The following MYOF variants were observed in gnomAD, a reference collection of about 807,000 sequenced individuals.
MYOF encodes the protein fer-1-like 3, myoferlin.
MYOF carries 244 observed loss-of-function variants against 284.2 expected under a neutral mutation model. The ratio of observed to expected loss-of-function variants is 0.86; its 90% CI spans 0.77 to 0.95. The LOEUF (loss-of-function observed/expected upper bound fraction) is 0.95. Among genes scored for constraint, MYOF ranks in the 40% least tolerant of loss-of-function variants. The pLI is 0.00. For missense variants in MYOF, 2,496 were observed against 2,560.6 expected, an observed-to-expected ratio of 0.97 and a Z score of 0.54; for synonymous variants, 904 against 919.7, an observed-to-expected ratio of 0.98 and a Z score of 0.31.
Position 93,402,907 on chromosome 10 carries a change from C to T in MYOF, c.844-17G>A, listed in dbSNP as rs374594732. 5.2e-5 allele frequency: 84 copies of T among 1,603,580 alleles called. No individual in the cohort carries two copies. The highest frequency in any genetic ancestry group is 5.0e-4 in the Middle Eastern group (3 of 6,030). On this transcript the variant is annotated splice_polypyrimidine_tract_variant and intron_variant, in intron 9 of 53. Transcript: ENST00000359263. The stretch of plus-strand genomic sequence containing the variant: ...AACATCAATCTGGGAAAACAATAAT[C>T]GAAAGTAGTCTAAGTAGATTTTAAA...
intron 7 of MYOF, among the ~76,000 whole-genome samples, chr10:93,408,438 GA>G (rs1435158060): frequency 1.3e-5 from 2 of 151,754 alleles, no homozygotes; most frequent in Non-Finnish European, 2.9e-5. Context: ...TTGGGAGGCT[GA>G]GGCAGAAGAA....
At chr10:93,437,631 T>C (rs1849189700) in intron 3 of MYOF, among the ~76,000 whole-genome samples, 1 of 152,208 alleles carries the variant, frequency 6.6e-6, no homozygotes, top group Admixed American at 6.5e-5. Context: ...AATCCCAACC[T>C]GACTGGGGAC....
chr10:93,369,553 T>G, intron 25 of MYOF, 92 bp downstream of exon 25: 2 of 1,555,624 alleles, frequency 1.3e-6, no homozygotes, highest in South Asian at 2.4e-5. Flanking sequence ...CTGTGGTTGT[T>G]TTTGGTATGT....
At chr10:93,360,538 C>A (rs1845021424) in intron 28 of MYOF, among the ~76,000 whole-genome samples, 1 of 152,220 alleles carries the variant, frequency 6.6e-6, no homozygotes, top group African/African-American at 2.4e-5. Flanking sequence ...CTGGTGTGTG[C>A]ATCGAGATCA....
chr10:93,460,782 A>AAAAAG (rs1554871526), intron 1 of MYOF, among the ~76,000 whole-genome samples: 4 of 140,090 alleles, frequency 2.9e-5, no homozygotes, highest in Non-Finnish European at 6.1e-5. Context: ...AAAAAAAAAA[A>AAAAAG]AAAGAAAGAA....
At chr10:93,368,904 C>A (rs917559485) in intron 25 of MYOF, among the ~76,000 whole-genome samples, 1 of 151,898 alleles carries the variant, frequency 6.6e-6, no homozygotes, top group Middle Eastern at 3.2e-3. Flanking sequence ...AGAGACCCAC[C>A]GAATACATCT....
At chr10:93,422,483 C>T (rs1234496298) in intron 5 of MYOF, among the ~76,000 whole-genome samples, 1 of 152,180 alleles carries the variant, frequency 6.6e-6, no homozygotes, top group Non-Finnish European at 1.5e-5. Flanking sequence ...CAGGGATTTT[C>T]TCGCCAGCAG....
chr10:93,457,003 A>G (rs571328646), intron 1 of MYOF, 66 bp from the exon 2 acceptor site: 6 of 1,218,682 alleles, frequency 4.9e-6, no homozygotes, highest in Non-Finnish European at 7.0e-6. Flanking sequence ...TGGGCCATTC[A>G]TTTATTCTAA....
chr10:93,397,900 C>G (rs768171603), intron 13 of MYOF, among the ~76,000 whole-genome samples: 4 of 152,064 alleles, frequency 2.6e-5, no homozygotes, highest in Non-Finnish European at 4.4e-5. Context: ...GAACCAGAAT[C>G]AGCCACACCC....
At chr10:93,330,366 C>T (rs1185516217) in intron 43 of MYOF, among the ~76,000 whole-genome samples, 1 of 152,132 alleles carries the variant, frequency 6.6e-6, no homozygotes, top group Non-Finnish European at 1.5e-5. Context: ...GACTTATAGC[C>T]CCCTACCTGT....
intron 1 of MYOF, among the ~76,000 whole-genome samples, chr10:93,470,661 C>A (rs1433409301): frequency 6.6e-6 from 1 of 152,150 alleles, no homozygotes; most frequent in African/African-American, 2.4e-5. Flanking sequence ...CTCGGCCTCC[C>A]AAAGTGCTGG....
At chr10:93,360,993 A>G (rs1479414020) in intron 28 of MYOF, among the ~76,000 whole-genome samples, 1 of 152,092 alleles carries the variant, frequency 6.6e-6, no homozygotes, top group Non-Finnish European at 1.5e-5. Context: ...TGGATTCTAC[A>G]TTTGGTTAGT....
chr10:93,465,938 G>T (rs184945505), intron 1 of MYOF, among the ~76,000 whole-genome samples: 1 of 152,204 alleles, frequency 6.6e-6, no homozygotes, highest in East Asian at 1.9e-4. Flanking sequence ...GGCTGGGACC[G>T]CCCTGGTGGA....
chr10:93,338,223 T>A, intron 39 of MYOF: 4 of 478,010 alleles, frequency 8.4e-6, no homozygotes, highest in Non-Finnish European at 1.6e-5. Context: ...ATTTTTATTC[T>A]ATTGACTTCA....
rs763427664 is a variant in MYOF at position 93,328,773 on chromosome 10, C to G, written c.5121G>C (p.Leu1707Phe). Residue 1707 changes from leucine (L) to phenylalanine (F), a missense_variant, in exon 45 of 54, where the codon TTG becomes TTC. Physicochemically the swap from Leu to Phe is conservative, Grantham distance 22. Around this residue, in one of 3 missense-constraint regions of MYOF, gnomAD observed 2,436 missense variants for 2,480.7 expected, o/e 0.98. Coordinates refer to ENST00000359263, the MANE Select transcript of MYOF (RefSeq NM_013451.4). ...CAGCTAGGTGCTCACCAAATTCATC[C>G]AAGCTGTAGTCTCGTCCTCCATATC... The part of the protein sequence containing the change: ...RIRYGGRDYS[L>F]DEFEANKILH... 5.6e-6 allele frequency: 9 copies of G among 1,609,656 alleles called. No individual in the cohort carries two copies. The highest frequency in any genetic ancestry group is 7.7e-6 in the Non-Finnish European group (9 of 1,176,220).
chr10:93,369,254 G>C (rs1054011208), intron 25 of MYOF, among the ~76,000 whole-genome samples: 1 of 99,608 alleles, frequency 1.0e-5, no homozygotes, highest in East Asian at 1.1e-3. Context: ...CCCTCTCCTG[G>C]GTTGGTGTGT....
chr10:93,381,717 T>C (rs1393324496), intron 19 of MYOF, among the ~76,000 whole-genome samples: 5 of 152,164 alleles, frequency 3.3e-5, no homozygotes, highest in Non-Finnish European at 7.3e-5. Context: ...CTTAATTAGG[T>C]CCATATGTGC....
In MYOF at chr10:93,337,960, T is replaced by C. The variant is rs765674422; in HGVS notation, c.4339-47A>G. 13 of 1,360,752 alleles carry C rather than the reference T, an allele frequency of 9.6e-6. No individual in the cohort carries two copies. In the Admixed American group the frequency reaches 2.0e-4, roughly 21 times the overall value. The allele number at this position is 1,360,752 out of a possible 1,614,324, so 84.3% of individuals were successfully genotyped here. A position where few individuals can be genotyped will look rare whatever the true frequency, so the allele number is the denominator to read the frequency against. On this transcript the variant is annotated intron_variant, in intron 39 of 53. Transcript: ENST00000359263. The stretch of plus-strand genomic sequence containing the variant: ...AAAATCTTTAGTGATGTCCTGGATT[T>C]CCAATCGATGCAGGAAAATGCATTT...
At chr10:93,433,159 T>G (rs1288443506) in intron 3 of MYOF, among the ~76,000 whole-genome samples, 1 of 152,088 alleles carries the variant, frequency 6.6e-6, no homozygotes, top group Non-Finnish European at 1.5e-5. Context: ...GTTTTATTTA[T>G]TTATTTATTT....
Sources: allele counts gnomAD v4.1 joint callset (sites outside exome capture counted in the v4.1 genomes callset), GRCh38; gene constraint gnomAD v4.1.1; regional missense constraint gnomAD v4.1.1; transcripts MANE v1.5; gene names NCBI Gene and HGNC (gene_info 2026-07-23, HGNC 2026-07-21).